PRDM1: variants seen among roughly 807,000 people sequenced by gnomAD.
PRDM1 encodes PR domain zinc finger protein 1.
Under a neutral mutation model 62.8 loss-of-function variants are expected in PRDM1, and 13 were observed. The ratio of observed to expected loss-of-function variants is 0.21; its 90% CI spans 0.13 to 0.33. The LOEUF (loss-of-function observed/expected upper bound fraction) is 0.33, where lower values mean the gene tolerates loss of function less well. Among genes scored for constraint, PRDM1 ranks in the 10% least tolerant of loss-of-function variants. The pLI is 1.00. For missense variants in PRDM1, 895 were observed against 1,058.8 expected (o/e 0.85, Z 2.15); for synonymous variants, 396 against 417.6 (o/e 0.95, Z 0.63).
chr6:106,095,786 C>A (rs1237019181), intron 3 of PRDM1, 52 bp downstream of exon 3: 1 of 1,593,856 alleles, frequency 6.3e-7, no homozygotes, highest in Non-Finnish European at 8.6e-7. Context: ...AAAAATGGAG[C>A]TAAAAGAGCT....
rs200287817 is a variant in PRDM1 at position 106,104,790 on chromosome 6, C to T, written c.665-35C>T. ...GCAGTTTTGCTTCAGTTCTCTCTAG[C>T]CCTCTGTGTAATCGCCCCTTTTTCT... On this transcript the variant is annotated intron_variant, in intron 4 of 6. Coordinates refer to ENST00000369096, the MANE Select transcript of PRDM1 (RefSeq NM_001198.4). 31 of 1,582,264 alleles carry T rather than the reference C, an allele frequency of 2.0e-5. No individual in the cohort carries two copies. In the African/African-American group the frequency reaches 3.5e-4, roughly 18 times the overall value.
At chr6:106,088,553 A>T (rs574416428) in intron 2 of PRDM1, 104 bp downstream of exon 2, 61 of 1,282,732 alleles carry the variant, frequency 4.8e-5, no homozygotes, top group Non-Finnish European at 5.7e-5. Context: ...AGAATCTGTA[A>T]GTATCAGTAA....
chr6:106,002,160 T>G (rs1772433607), intron 1 of PRDM1, among the ~76,000 whole-genome samples: 1 of 152,098 alleles, frequency 6.6e-6, no homozygotes, highest in African/African-American at 2.4e-5. Context: ...TGAATTGAGA[T>G]GTAGAGGTAA....
In PRDM1 at chr6:106,054,302, C is replaced by T. The variant is rs534101153; in HGVS notation, c.-67+5588C>T. On this transcript the variant is annotated intron_variant, in intron 1 of 6. Coordinates refer to the PRDM1 transcript ENST00000651185. ...TGACTCTGAAGTAAATGATTTGCCT[C>T]TTAATCCTTCTTTAAAGCATTTAAA... 5.5e-4 allele frequency among the ~76,000 whole-genome samples: 83 copies of T among 152,246 alleles called. 1 individual carries two copies. The highest frequency in any genetic ancestry group is 2.0e-3 in the African/African-American group (82 of 41,510).
chr6:106,103,480 A>G (rs1366939929), intron 4 of PRDM1, among the ~76,000 whole-genome samples: 1 of 152,164 alleles, frequency 6.6e-6, no homozygotes, highest in Non-Finnish European at 1.5e-5. Context: ...ATTGACAGCC[A>G]ATGCCTTCAG....
At chr6:106,099,686 AG>A in intron 4 of PRDM1, 134 bp downstream of exon 4, 2 of 1,236,588 alleles carry the variant, frequency 1.6e-6, no homozygotes, top group East Asian at 5.0e-5. Flanking sequence ...GCTAGGGACT[AG>A]GAAGAGGAAA....
rs1215076239 is a variant in PRDM1 at position 106,108,661 on chromosome 6, G to A, written c.*1175G>A. ...AAAAACGGGTATTCTAGTCATCTTG[G>A]GGTAAAAGCGGGTAATGAACATTCC... On this transcript the variant is annotated 3_prime_UTR_variant, in exon 7 of 7. Transcript: ENST00000369096. The A allele has an allele frequency of 8.6e-6, 2 of 233,098 alleles. No homozygotes were observed. The highest frequency in any genetic ancestry group is 4.4e-5 in the African/African-American group (2 of 45,100). 14.4% of individuals were successfully genotyped at this position (233,098 alleles called of 1,614,324 possible).
chr6:106,059,058 G>A (rs1773307453), intron 1 of PRDM1, among the ~76,000 whole-genome samples: 1 of 152,122 alleles, frequency 6.6e-6, no homozygotes, highest in Non-Finnish European at 1.5e-5. Context: ...ATTGTCCTAA[G>A]TGCTGAAGAT....
At chr6:106,042,536 A>C (rs112043074) in intron 1 of PRDM1, among the ~76,000 whole-genome samples, 16,050 of 151,740 alleles carry the variant, frequency 0.11, 2,031 homozygotes, top group African/African-American at 0.31. Flanking sequence ...TCAAAAAAAA[A>C]AAACAAACAA....
intron 1 of PRDM1, among the ~76,000 whole-genome samples, chr6:106,079,445 T>C (rs746809274): frequency 3.9e-5 from 6 of 152,250 alleles, no homozygotes; most frequent in African/African-American, 4.8e-5. Flanking sequence ...AAAAAGCATA[T>C]AATTTCATTG....
chr6:106,105,521 G>A lies in PRDM1; in HGVS notation c.1361G>A (p.Gly454Asp), dbSNP rs1223341254. 6.2e-7 allele frequency: 1 copy of A among 1,613,560 alleles called. No homozygotes were observed. The highest frequency in any genetic ancestry group is 8.5e-7 in the Non-Finnish European group (1 of 1,179,796). Reference sequence around the variant, plus strand: ...GTCTACAGCAATCTCCTCGGTGGGGGCAGCCTGCCCCACCCCATGCTCAAC... The same window carrying A: ...GTCTACAGCAATCTCCTCGGTGGGGACAGCCTGCCCCACCCCATGCTCAAC... ...CPVYSNLLGG[G>D]SLPHPMLNPT... Residue 454 changes from glycine (G) to aspartate (D), a missense_variant, in exon 5 of 7, where the codon GGC becomes GAC. Coordinates refer to ENST00000369096, the MANE Select transcript of PRDM1 (RefSeq NM_001198.4).
At chr6:106,003,280 G>A (rs1004851004) in intron 1 of PRDM1, among the ~76,000 whole-genome samples, 1 of 152,296 alleles carries the variant, frequency 6.6e-6, no homozygotes, top group African/African-American at 2.4e-5. Context: ...GATCTTCCCT[G>A]GCAGGTCATC....
chr6:106,103,183 C>T (rs902071049), intron 4 of PRDM1, among the ~76,000 whole-genome samples: 1 of 152,074 alleles, frequency 6.6e-6, no homozygotes, highest in African/African-American at 2.4e-5. Context: ...TATTCTGGGG[C>T]TTCAGGCTCG....
At position 106,104,963 on chromosome 6, in the gene PRDM1, G is replaced by A. The variant is rs367766895; in HGVS notation, c.803G>A (p.Arg268His). Residue 268 changes from arginine (R) to histidine (H), a missense_variant, in exon 5 of 7, where the codon CGT (arginine) becomes CAT (histidine). Around this residue, in one of 4 missense-constraint regions of PRDM1, gnomAD observed 444 missense variants for 422.7 expected, o/e 1.05. Transcript: ENST00000369096. ...SNPSKGKDLY[R>H]SNISPLTSEK... Reference sequence around the variant, plus strand: ...CCCTCCAAAGGAAAGGACCTCTACCGTTCTAACATTTCACCCCTCACATCA... The same window carrying A: ...CCCTCCAAAGGAAAGGACCTCTACCATTCTAACATTTCACCCCTCACATCA... 6 of 1,613,900 alleles carry A rather than the reference G, an allele frequency of 3.7e-6. No homozygotes were observed. The highest frequency in any genetic ancestry group is 2.7e-5 in the African/African-American group (2 of 74,852).
At chr6:106,061,098 C>T (rs967155309) in intron 1 of PRDM1, among the ~76,000 whole-genome samples, 3 of 152,246 alleles carry the variant, frequency 2.0e-5, no homozygotes, top group African/African-American at 4.8e-5. Flanking sequence ...GGTTTTTAGC[C>T]GGTGTCCCTG....
At chr6:106,084,832 G>A (rs1425193634), upstream of PRDM1, among the ~76,000 whole-genome samples, 2 of 152,072 alleles carry the variant, frequency 1.3e-5, no homozygotes, top group African/African-American at 2.4e-5. Flanking sequence ...TGGTGCTAGC[G>A]TCCCCTCTGG....
chr6:106,086,500 CG>C lies in PRDM1; in HGVS notation c.-49del, dbSNP rs1746207217. On this transcript the variant is annotated 5_prime_UTR_variant, in exon 1 of 7. Transcript: ENST00000369096. The stretch of plus-strand genomic sequence containing the variant: ...TGCGCGTCTGTGCGGCTCAGCCTGG[CG>C]GGGGACGCGGGGAGAATGTGGACTG... The C allele has an allele frequency of 5.3e-6, 8 of 1,511,626 alleles. No individual in the cohort carries two copies. Among genetic ancestry groups the C allele is most frequent in the African/African-American group, 1.4e-5 (1 of 71,712 alleles). 93.6% of individuals were successfully genotyped at this position (1,511,626 alleles called of 1,614,324 possible).
intron 1 of PRDM1, among the ~76,000 whole-genome samples, chr6:106,056,689 G>A (rs1316873972): frequency 6.6e-6 from 1 of 152,172 alleles, no homozygotes; most frequent in East Asian, 1.9e-4. Context: ...ATAACACAAA[G>A]CATTTAAAGA....
At chr6:106,073,591 T>C (rs985271206) in intron 1 of PRDM1, among the ~76,000 whole-genome samples, 4 of 152,198 alleles carry the variant, frequency 2.6e-5, no homozygotes, top group African/African-American at 9.7e-5. Flanking sequence ...CTAGGTAATG[T>C]GTGGCTAAGT....
Sources: gnomAD v4.1 joint callset for allele counts (sites outside exome capture counted in the v4.1 genomes callset) on GRCh38, gnomAD v4.1.1 for gene constraint, gnomAD v4.1.1 regional missense constraint, MANE v1.5 for transcripts, NCBI Gene and HGNC (gene_info 2026-07-23, HGNC 2026-07-21) for gene names.